SIL1: variants seen among roughly 807,000 people sequenced by gnomAD.
The protein encoded by SIL1 is nucleotide exchange factor SIL1.
SIL1 carries 40 observed loss-of-function variants against 49.1 expected under a neutral mutation model. That is an observed-to-expected ratio of 0.81 (90% CI 0.63 to 1.06). The LOEUF is 1.06. Among genes scored for constraint, SIL1 ranks in the 50% least tolerant of loss-of-function variants. SIL1 has a pLI of 0.00. For synonymous variants in SIL1, 253 were observed against 250.8 expected (o/e 1.01, Z -0.08); for missense variants, 500 against 572.6 (o/e 0.87, Z 1.29).
intron 1 of SIL1, among the ~76,000 whole-genome samples, chr5:139,170,379 G>A (rs1751726852): frequency 6.6e-6 from 1 of 151,232 alleles, no homozygotes; most frequent in African/African-American, 2.4e-5. Flanking sequence ...TCTGGAAAGT[G>A]AGGAGCGTCT....
intron 3 of SIL1, among the ~76,000 whole-genome samples, chr5:139,101,057 GA>G (rs1234286075): frequency 6.6e-6 from 1 of 152,014 alleles, no homozygotes; most frequent in Non-Finnish European, 1.5e-5. Context: ...CTGGCACTGA[GA>G]AAAATCAAGA....
intron 1 of SIL1, among the ~76,000 whole-genome samples, chr5:139,170,682 G>A (rs1286492847): frequency 7.1e-5 from 10 of 141,204 alleles, no homozygotes; most frequent in East Asian, 2.2e-4. Flanking sequence ...CAGCCACCCC[G>A]TCTGAGAAGT....
At chr5:138,985,382 T>G (rs1333201931) in intron 7 of SIL1, among the ~76,000 whole-genome samples, 1 of 152,158 alleles carries the variant, frequency 6.6e-6, no homozygotes, top group African/African-American at 2.4e-5. Flanking sequence ...CAAGCCACCT[T>G]CCTTCAGGCT....
intron 7 of SIL1, among the ~76,000 whole-genome samples, chr5:138,987,668 A>G (rs1194653368): frequency 6.6e-6 from 1 of 152,046 alleles, no homozygotes; most frequent in Non-Finnish European, 1.5e-5. Flanking sequence ...CCTGGCAAAC[A>G]CTCTAAATGG....
At chr5:139,027,070 C>T in intron 5 of SIL1, 78 bp from the exon 6 acceptor site, 1 of 1,403,306 alleles carries the variant, frequency 7.1e-7, no homozygotes, top group Non-Finnish European at 1.0e-6. Flanking sequence ...CATGGATGCC[C>T]ATCCTCAAAA....
intron 7 of SIL1, among the ~76,000 whole-genome samples, chr5:139,007,918 TTC>T (rs1191212398): frequency 3.3e-5 from 5 of 151,260 alleles, no homozygotes; most frequent in African/African-American, 1.2e-4. Context: ...TGGTCTAAAA[TTC>T]TCTTTTTTTG....
At chr5:138,974,630 C>T (rs1580997611) in intron 7 of SIL1, among the ~76,000 whole-genome samples, 2 of 152,188 alleles carry the variant, frequency 1.3e-5, no homozygotes, top group South Asian at 4.1e-4. Context: ...CGTGGAAGAA[C>T]ATTCGGTATG....
intron 3 of SIL1, among the ~76,000 whole-genome samples, chr5:139,068,767 T>C (rs1029500357): frequency 6.7e-6 from 1 of 150,304 alleles, no homozygotes; most frequent in African/African-American, 2.4e-5. Flanking sequence ...AAATGAGCAA[T>C]AGAAAGTATT....
intron 7 of SIL1, among the ~76,000 whole-genome samples, chr5:139,011,717 T>C (rs1276562051): frequency 2.0e-5 from 3 of 152,158 alleles, no homozygotes. Flanking sequence ...TTGTGATGTT[T>C]TGGTTGTGAG....
intron 1 of SIL1, among the ~76,000 whole-genome samples, chr5:139,150,785 G>A (rs893000440): frequency 1.3e-5 from 2 of 152,260 alleles, no homozygotes; most frequent in Non-Finnish European, 2.9e-5. Flanking sequence ...TGGTGCTGGC[G>A]TGAGTCCTCC....
intron 7 of SIL1, among the ~76,000 whole-genome samples, chr5:139,020,796 T>C (rs1185869675): frequency 6.6e-6 from 1 of 152,194 alleles, no homozygotes; most frequent in South Asian, 2.1e-4. Context: ...AGCACCCCCT[T>C]GGTCAGGCTC....
At chr5:139,045,760 C>T (rs146171440) in intron 4 of SIL1, among the ~76,000 whole-genome samples, 1 of 152,316 alleles carries the variant, frequency 6.6e-6, no homozygotes, top group Non-Finnish European at 1.5e-5. Flanking sequence ...AACAACCACC[C>T]AGTTGCTCAA....
intron 7 of SIL1, among the ~76,000 whole-genome samples, chr5:138,972,525 A>G (rs1306975708): frequency 6.6e-6 from 1 of 152,106 alleles, no homozygotes; most frequent in South Asian, 2.1e-4. Context: ...ACAATTTACT[A>G]CAGCTGTTAA....
chr5:139,043,829 G>A (rs1385476622), intron 4 of SIL1, among the ~76,000 whole-genome samples: 1 of 152,226 alleles, frequency 6.6e-6, no homozygotes, highest in East Asian at 1.9e-4. Context: ...TGCACGAAGG[G>A]AAGAGTGGAG....
intron 1 of SIL1, among the ~76,000 whole-genome samples, chr5:139,185,099 T>G (rs1257615499): frequency 1.3e-5 from 2 of 152,200 alleles, no homozygotes; most frequent in Non-Finnish European, 2.9e-5. Flanking sequence ...AGTCTGCTTA[T>G]TCTCCCCATG....
intron 7 of SIL1, among the ~76,000 whole-genome samples, chr5:139,019,827 T>C (rs1278870475): frequency 6.6e-6 from 1 of 152,198 alleles, no homozygotes. Flanking sequence ...AAGGCAAAGA[T>C]TTCCAAAAAG....
intron 7 of SIL1, among the ~76,000 whole-genome samples, chr5:138,983,414 AG>A (rs1398739752): frequency 6.6e-6 from 1 of 151,702 alleles, no homozygotes; most frequent in Admixed American, 6.6e-5. Flanking sequence ...AGGCTGAGGC[AG>A]GAGAATGGCG....
At chr5:139,131,516 G>A (rs928932181) in intron 1 of SIL1, 2 of 152,214 alleles carry the variant, frequency 1.3e-5, no homozygotes, top group Admixed American at 6.5e-5. Flanking sequence ...AAAAAGCACA[G>A]CCAAATGGAA....
At chr5:138,987,130 A>ATTTTAT (rs1321838123) in intron 7 of SIL1, among the ~76,000 whole-genome samples, 1 of 133,446 alleles carries the variant, frequency 7.5e-6, no homozygotes, top group Non-Finnish European at 1.6e-5. Flanking sequence ...ATTTTATTTT[A>ATTTTAT]TTTATTTTGA....
Sources: gnomAD v4.1 joint callset for allele counts (sites outside exome capture counted in the v4.1 genomes callset) on GRCh38, gnomAD v4.1.1 for gene constraint, MANE v1.5 for transcripts, NCBI Gene and HGNC (gene_info 2026-07-23, HGNC 2026-07-21) for gene names.